The following ALOX12 variants were observed in gnomAD, a reference collection of about 807,000 sequenced individuals.
ALOX12 encodes arachidonate 12-lipoxygenase, 12S type, also known as polyunsaturated fatty acid lipoxygenase ALOX12.
A neutral mutation model predicts 85.5 loss-of-function variants in ALOX12; 62 were observed. The ratio of observed to expected loss-of-function variants is 0.73; its 90% CI spans 0.59 to 0.90. The LOEUF (loss-of-function observed/expected upper bound fraction) is 0.90. Among genes scored for constraint, ALOX12 ranks in the 40% least tolerant of loss-of-function variants. The probability of loss-of-function intolerance (pLI) is 0.00; values close to 1 mark genes in which losing one functional copy is unlikely to be tolerated. For missense variants in ALOX12, 751 were observed against 856.5 expected, an observed-to-expected ratio of 0.88 and a Z score of 1.54; for synonymous variants, 299 against 332.7, an observed-to-expected ratio of 0.90 and a Z score of 1.10.
At position 7,010,491 on chromosome 17, in the gene ALOX12, C is replaced by T. The variant is rs1442736226; in HGVS notation, c.*68C>T. On this transcript the variant is annotated 3_prime_UTR_variant, in exon 14 of 14. Coordinates refer to ENST00000251535, the MANE Select transcript of ALOX12 (RefSeq NM_000697.3). ...GGACTGACATTTCTATCTTGAATTT[C>T]ATGCTTTCCTAAAGTCTCTGCTGCT... 5.2e-6 allele frequency: 8 copies of T among 1,543,956 alleles called. No individual in the cohort carries two copies. In the East Asian group the frequency reaches 1.8e-4, roughly 35 times the overall value.
Position 7,005,866 on chromosome 17 carries a change from C to T in ALOX12, c.1257C>T (p.Ser419=). The part of the protein sequence containing the change: ...SDGGIFDKAV[S]TGGGGHVQLL... ...GTGATCTCCTGTCCCAGGCAGTGAGCACAGGTGGAGGGGGCCATGTACAGT... is the reference window on the plus strand; with the variant it reads ...GTGATCTCCTGTCCCAGGCAGTGAGTACAGGTGGAGGGGGCCATGTACAGT... The change falls in exon 10 of 14, where the codon AGC becomes AGT. Residue 419 remains serine (S), a synonymous_variant. Coordinates refer to ENST00000251535, the MANE Select transcript of ALOX12 (RefSeq NM_000697.3). The T allele has an allele frequency of 6.2e-7, 1 of 1,612,166 alleles. No homozygotes were observed. The highest frequency in any genetic ancestry group is 8.5e-7 in the Non-Finnish European group (1 of 1,179,758).
chr17:6,997,102 A>C, intron 2 of ALOX12, 75 bp downstream of exon 2: 1 of 1,470,950 alleles, frequency 6.8e-7, no homozygotes, highest in Non-Finnish European at 9.0e-7. Flanking sequence ...AGAGTTAAGG[A>C]CGGTCGGAGC....
intron 8 of ALOX12, among the ~76,000 whole-genome samples, chr17:7,003,117 C>G (rs1908789888): frequency 6.6e-6 from 1 of 152,226 alleles, no homozygotes. Flanking sequence ...TCCACACGAA[C>G]AAGTGAAGCC....
chr17:6,997,204 G>A, intron 2 of ALOX12, 177 bp downstream of exon 2: 1 of 937,190 alleles, frequency 1.1e-6, no homozygotes, highest in African/African-American at 1.8e-5. Context: ...AATTCCCAAA[G>A]TTTTACACAG....
rs752740060 is a variant in ALOX12 at position 7,000,413 on chromosome 17, C to A, written c.885C>A (p.Tyr295Ter). The A allele has an allele frequency of 3.1e-6, 5 of 1,614,158 alleles. No homozygotes were observed. Among genetic ancestry groups the A allele is most frequent in the Non-Finnish European group, 2.5e-6 (3 of 1,180,014 alleles). ...ACGTGATCCGAGGAGAGAAGCAATA[C>A]CTGGCTGCCCCCCTCGTTATGCTGA... Reference protein sequence around the residue: ...PANVIRGEKQYLAAPLVMLKM... With the variant: ...PANVIRGEKQ The change falls in exon 7 of 14, where the codon TAC becomes TAA. Residue 295 changes from tyrosine (Y) to a stop codon, truncating the protein, a stop_gained. Coordinates refer to ENST00000251535, the MANE Select transcript of ALOX12 (RefSeq NM_000697.3). LOFTEE classifies it high-confidence loss of function. The surrounding 1 kb of genome is among the most constrained non-coding windows in gnomAD (Gnocchi z 4.6).
At chr17:7,002,110 C>G (rs1022441015) in intron 8 of ALOX12, 24 of 397,788 alleles carry the variant, frequency 6.0e-5, no homozygotes, top group African/African-American at 4.9e-4. Context: ...AGTATTTAGC[C>G]AGAAAAACAA....
chr17:6,997,137 G>C (rs1267120080), intron 2 of ALOX12, 110 bp downstream of exon 2: 1 of 1,429,482 alleles, frequency 7.0e-7, no homozygotes, highest in Non-Finnish European at 9.2e-7. Context: ...TATGGGCCCA[G>C]GGCAGGTGAA....
intron 2 of ALOX12, 110 bp from the exon 3 acceptor site, chr17:6,998,399 C>T (rs1470166239): frequency 8.4e-6 from 6 of 715,752 alleles, no homozygotes; most frequent in African/African-American, 7.1e-5. Context: ...ATAAAAGCAA[C>T]AGTGCATGGC....
At chr17:7,004,439 T>C (rs1175255098) in intron 8 of ALOX12, among the ~76,000 whole-genome samples, 1 of 145,902 alleles carries the variant, frequency 6.9e-6, no homozygotes, top group Non-Finnish European at 1.5e-5. Flanking sequence ...TTAAATTAAA[T>C]TTTAATATTT....
At chr17:6,997,057 C>G in intron 2 of ALOX12, 30 bp downstream of exon 2, 2 of 1,514,848 alleles carry the variant, frequency 1.3e-6, no homozygotes, top group Non-Finnish European at 1.8e-6. Flanking sequence ...GAAGGAGGCA[C>G]AAGGTCTCGG....
intron 1 of ALOX12, among the ~76,000 whole-genome samples, chr17:6,996,571 C>T (rs1187601806): frequency 6.6e-6 from 1 of 152,122 alleles, no homozygotes; most frequent in East Asian, 1.9e-4. Context: ...AGAACCGGCG[C>T]GGGGAGAGCT....
chr17:7,005,693 C>T (rs1909007670), intron 9 of ALOX12, among the ~76,000 whole-genome samples, 165 bp from the exon 10 acceptor site: 1 of 151,882 alleles, frequency 6.6e-6, no homozygotes. Flanking sequence ...GTTGGCCAGA[C>T]TGGTCTCGAA....
At position 7,001,825 on chromosome 17, in the gene ALOX12, T is replaced by C; in HGVS notation, c.1161+14T>C. On this transcript the variant is annotated intron_variant, in intron 8 of 13. Transcript: ENST00000251535. Reference sequence around the variant, plus strand: ...CCCATCTTCAAGGTACTTATTAATCTATTAAATCACATATCCCTCAGACCC... The same window carrying C: ...CCCATCTTCAAGGTACTTATTAATCCATTAAATCACATATCCCTCAGACCC... The C allele has an allele frequency of 6.2e-7, 1 of 1,608,820 alleles. No homozygotes were observed. Among genetic ancestry groups the C allele is most frequent in the Non-Finnish European group, 8.5e-7 (1 of 1,175,424 alleles).
intron 6 of ALOX12, 27 bp downstream of exon 6, chr17:6,999,493 T>A (rs371681028): frequency 1.9e-5 from 31 of 1,610,844 alleles, no homozygotes; most frequent in Non-Finnish European, 2.5e-5. Flanking sequence ...TGCCTGGCAC[T>A]GTTCTCTCCT....
Position 7,000,203 on chromosome 17 carries a change from A to G in ALOX12, c.808-133A>G. ...TGAGAGGAACTGGACCAGGGGCTCT[A>G]GTTCTCCCAACAGGGCTCCGGTACT... On this transcript the variant is annotated intron_variant, in intron 6 of 13. Coordinates refer to ENST00000251535, the MANE Select transcript of ALOX12 (RefSeq NM_000697.3). This position sits in a 1 kb window ranked among gnomAD's most constrained non-coding sequence, Gnocchi z 4.6. The G allele has an allele frequency of 2.9e-6, 3 of 1,024,974 alleles. No individual in the cohort carries two copies. The highest frequency in any genetic ancestry group is 4.8e-5 in the East Asian group (2 of 41,502). 63.5% of individuals were successfully genotyped at this position (1,024,974 alleles called of 1,614,324 possible).
At chr17:7,005,825 TC>T (rs1302586559) in intron 9 of ALOX12, 32 bp from the exon 10 acceptor site, 1 of 1,596,800 alleles carries the variant, frequency 6.3e-7, no homozygotes, top group East Asian at 2.2e-5. Flanking sequence ...CAGCCCTGTT[TC>T]CCCCTCTAAG....
At chr17:7,009,067 T>G (rs576195865) in intron 11 of ALOX12, among the ~76,000 whole-genome samples, 84 of 151,208 alleles carry the variant, frequency 5.6e-4, no homozygotes, top group Middle Eastern at 3.4e-3. Flanking sequence ...AATTGGTTTT[T>G]TTTTTTTTTT....
chr17:6,999,707 G>A, intron 6 of ALOX12: 1 of 492,970 alleles, frequency 2.0e-6, no homozygotes, highest in Non-Finnish European at 3.6e-6. Flanking sequence ...ATGTTAGCAG[G>A]AACAGTGACA....
At chr17:7,005,152 G>A (rs569203536) in intron 8 of ALOX12, 105 bp from the exon 9 acceptor site, 2 of 993,638 alleles carry the variant, frequency 2.0e-6, no homozygotes, top group East Asian at 4.8e-5. Flanking sequence ...AGCCTGTAAA[G>A]GAAAGCATCA....
Sources: gnomAD v4.1 joint callset for allele counts (sites outside exome capture counted in the v4.1 genomes callset) on GRCh38, gnomAD v4.1.1 for gene constraint, Gnocchi (gnomAD v3.1) non-coding constraint, MANE v1.5 for transcripts, NCBI Gene and HGNC (gene_info 2026-07-23, HGNC 2026-07-21) for gene names.